CDON: variants seen among roughly 807,000 people sequenced by gnomAD.
CDON encodes cell adhesion molecule-related/down-regulated by oncogenes.
Under a neutral mutation model 120.9 loss-of-function variants are expected in CDON, and 73 were observed. The ratio of observed to expected loss-of-function variants is 0.60; its 90% confidence interval spans 0.50 to 0.73. The LOEUF is 0.73. Ranked by LOEUF, CDON falls within the 30% of genes least tolerant of loss-of-function variation. CDON has a pLI of 0.00. For synonymous variants in CDON, 566 were observed against 573.5 expected (o/e 0.99, Z 0.19); for missense variants, 1,470 against 1,587.3 (o/e 0.93, Z 1.26).
At chr11:126,021,781 A>C (rs939004760) in intron 2 of CDON, among the ~76,000 whole-genome samples, 3 of 152,210 alleles carry the variant, frequency 2.0e-5, no homozygotes, top group African/African-American at 7.2e-5. Context: ...GATATAAATC[A>C]GATACAATAT....
intron 1 of CDON, among the ~76,000 whole-genome samples, chr11:126,033,850 G>T (rs542870299): frequency 6.6e-6 from 1 of 152,164 alleles, no homozygotes; most frequent in African/African-American, 2.4e-5. Flanking sequence ...TCTCTGGGGC[G>T]TATGGGGGTT....
In CDON at chr11:126,010,465, G is replaced by C. The variant is rs370182552; in HGVS notation, c.1428C>G (p.Val476=). The stretch of plus-strand genomic sequence containing the variant: ...GAGAGCTTGCACCAGCTTGGGACAG[G>C]ACGAAGTACACAGGCTCCAGGTTCA... ...EGLNLEPVYF[V]LSQAGASSLH... Residue 476 remains valine (V), a synonymous_variant, in exon 8 of 20, where the codon GTC becomes GTG. Coordinates refer to ENST00000531738, the MANE Select transcript of CDON (RefSeq NM_001378964.1). 6.2e-7 allele frequency: 1 copy of C among 1,614,016 alleles called. No individual in the cohort carries two copies. The highest frequency in any genetic ancestry group is 1.1e-5 in the South Asian group (1 of 91,086).
chr11:126,010,676 A>G lies in CDON; in HGVS notation c.1217T>C (p.Val406Ala), dbSNP rs749603550. 1 of 1,614,068 alleles carries G rather than the reference A, an allele frequency of 6.2e-7. No individual in the cohort carries two copies. Among genetic ancestry groups the G allele is most frequent in the South Asian group, 1.1e-5 (1 of 91,068 alleles). Reference protein sequence around the residue: ...EIENDGGFKPVIITAPVSAKV... With the variant: ...EIENDGGFKPAIITAPVSAKV... ...TGCACTTACTGGTGCCGTAATTATA[A>G]CTGGCTTGAATCCACCGTCTATTAA... is the stretch of plus-strand genomic sequence containing the variant. Residue 406 changes from valine (V) to alanine (A), a missense_variant, in exon 8 of 20, where the codon GTT (valine) becomes GCT (alanine). By Grantham distance (64) the Val-to-Ala change is moderately conservative (BLOSUM62 0). Transcript: ENST00000531738.
intron 11 of CDON, among the ~76,000 whole-genome samples, chr11:125,997,877 A>AC (rs1374594188): frequency 6.6e-6 from 1 of 152,200 alleles, no homozygotes; most frequent in African/African-American, 2.4e-5. Flanking sequence ...ATCTTAATAC[A>AC]CCTCAAGGCT....
At chr11:125,967,948 C>T (rs1945851398) in intron 18 of CDON, among the ~76,000 whole-genome samples, 1 of 152,180 alleles carries the variant, frequency 6.6e-6, no homozygotes, top group African/African-American at 2.4e-5. Flanking sequence ...TCTTGAACTC[C>T]TAGGCTCAGG....
chr11:126,007,470 T>G (rs527556826), intron 8 of CDON, among the ~76,000 whole-genome samples: 1 of 152,190 alleles, frequency 6.6e-6, no homozygotes, highest in East Asian at 1.9e-4. Flanking sequence ...ATGTTCAGGG[T>G]GTGATCTGGT....
In CDON at chr11:126,021,811, T is replaced by C. The variant is rs78196034; in HGVS notation, c.77-291A>G. Among the ~76,000 whole-genome samples, 11,703 of 151,746 alleles carry C rather than the reference T, an allele frequency of 0.077. 581 individuals carry two copies. The highest frequency in any genetic ancestry group is 0.12 in the South Asian group (589 of 4,808). On this transcript the variant is annotated intron_variant, in intron 2 of 19. Transcript: ENST00000531738. Reference sequence around the variant, plus strand: ...CAATATCAATCCTATTAATAAGAAATAGCAAAGTGCAGCTGGGCCCTGGGG... The same window carrying C: ...CAATATCAATCCTATTAATAAGAAACAGCAAAGTGCAGCTGGGCCCTGGGG...
At chr11:126,030,303 G>A (rs992749065) in intron 1 of CDON, among the ~76,000 whole-genome samples, 5 of 152,108 alleles carry the variant, frequency 3.3e-5, no homozygotes, top group African/African-American at 1.2e-4. Context: ...ATAATCCTTT[G>A]GGAAAAGTCT....
At chr11:125,964,307 T>C (rs1396245775) in intron 18 of CDON, among the ~76,000 whole-genome samples, 1 of 152,206 alleles carries the variant, frequency 6.6e-6, no homozygotes, top group Non-Finnish European at 1.5e-5. Flanking sequence ...TGAGAAAGCA[T>C]TTGCTAAATA....
chr11:125,987,264 G>C (rs914895428), intron 15 of CDON, among the ~76,000 whole-genome samples: 1 of 152,056 alleles, frequency 6.6e-6, no homozygotes, highest in Non-Finnish European at 1.5e-5. Flanking sequence ...CCTGAAAAAA[G>C]AAAGGTGAGA....
chr11:125,995,892 GC>G (rs1946766889), intron 12 of CDON, among the ~76,000 whole-genome samples: 1 of 152,166 alleles, frequency 6.6e-6, no homozygotes, highest in African/African-American at 2.4e-5. Flanking sequence ...GAAAAAAATT[GC>G]CATGAAACCT....
intron 8 of CDON, among the ~76,000 whole-genome samples, chr11:126,006,838 G>C (rs576653112): frequency 5.9e-5 from 9 of 152,058 alleles, no homozygotes; most frequent in South Asian, 2.1e-4. Context: ...TAATTACTGA[G>C]CACATATTAT....
intron 1 of CDON, among the ~76,000 whole-genome samples, chr11:126,053,233 C>T (rs922133360): frequency 2.6e-5 from 4 of 152,140 alleles, no homozygotes; most frequent in African/African-American, 9.7e-5. Flanking sequence ...GTAAGATGCA[C>T]CCAGGAGGTA....
chr11:125,970,373 C>T (rs1217619245), intron 18 of CDON, among the ~76,000 whole-genome samples: 3 of 151,872 alleles, frequency 2.0e-5, no homozygotes, highest in Non-Finnish European at 4.4e-5. Flanking sequence ...TGGGGTTTCA[C>T]CATGTTGGTC....
chr11:126,016,594 A>G (rs1221155237), intron 6 of CDON, among the ~76,000 whole-genome samples: 1 of 151,912 alleles, frequency 6.6e-6, no homozygotes, highest in Non-Finnish European at 1.5e-5. Flanking sequence ...CACCACACCC[A>G]GCTAATTTTT....
In CDON at chr11:125,970,774, T is replaced by C. The variant is rs562928542; in HGVS notation, c.3356+7530A>G. On this transcript the variant is annotated intron_variant, in intron 18 of 19. Transcript: ENST00000531738. ...TGAGTGTATTCCTGAACATGGCAAG[T>C]TGACAGACACACACGAGCTTATAAA... Among the ~76,000 whole-genome samples, 13 of 152,278 alleles carry C rather than the reference T, an allele frequency of 8.5e-5. No homozygotes were observed. In the South Asian group the frequency reaches 2.7e-3, roughly 32 times the overall value.
intron 1 of CDON, among the ~76,000 whole-genome samples, chr11:126,024,524 A>C (rs1947733521): frequency 6.6e-6 from 1 of 152,230 alleles, no homozygotes; most frequent in South Asian, 2.1e-4. Flanking sequence ...TTTTGGTGAC[A>C]CAAAATAAAT....
chr11:126,053,302 A>T (rs545629489), intron 1 of CDON, among the ~76,000 whole-genome samples: 10 of 152,334 alleles, frequency 6.6e-5, no homozygotes, highest in Middle Eastern at 3.4e-3. Context: ...GGAGTTTAGT[A>T]ATCTATTAAG....
Position 126,018,343 on chromosome 11 carries a change from C to G in CDON, c.627G>C (p.Lys209Asn), listed in dbSNP as rs765028023. The change falls in exon 5 of 20, where the codon AAG becomes AAC. Residue 209 changes from lysine to asparagine, a missense_variant. Transcript: ENST00000531738. ...HQLKVEPIGR[K>N]LLVSRPSSDD... ...CCAAATACTTACGACTCACAAGGAG[C>G]TTTCGGCCAATAGGTTCAACTTTTA... is the stretch of plus-strand genomic sequence containing the variant. 3.7e-6 allele frequency: 6 copies of G among 1,613,920 alleles called. No individual in the cohort carries two copies. In the Admixed American group the frequency reaches 1.0e-4, roughly 27 times the overall value.
Sources: allele counts gnomAD v4.1 joint callset (sites outside exome capture counted in the v4.1 genomes callset), GRCh38; gene constraint gnomAD v4.1.1; transcripts MANE v1.5; gene names NCBI Gene and HGNC (gene_info 2026-07-23, HGNC 2026-07-21).